TIAM1: variants seen among roughly 807,000 people sequenced by gnomAD.
The protein encoded by TIAM1 is TIAM Rac1 associated GEF 1.
In TIAM1, 65 loss-of-function variants were observed where a neutral mutation model predicts 163.5. The observed-to-expected ratio is 0.40, with a 90% CI of 0.33 to 0.49. The LOEUF is 0.49. TIAM1 is among the 20% of genes least tolerant of loss of function. The pLI, the probability that TIAM1 is intolerant of heterozygous loss-of-function variation, is 0.77. For missense variants in TIAM1, 1,789 were observed against 2,044.7 expected (o/e 0.87, Z 2.41); for synonymous variants, 833 against 810.1 (o/e 1.03, Z -0.48).
intron 8 of TIAM1, among the ~76,000 whole-genome samples, chr21:31,221,397 A>G (rs1445248183): frequency 2.6e-5 from 4 of 152,198 alleles, no homozygotes; most frequent in Non-Finnish European, 5.9e-5. Flanking sequence ...GTTCTTTAAA[A>G]CCACTGACCA....
At chr21:31,466,626 A>C (rs1350318013) in intron 1 of TIAM1, among the ~76,000 whole-genome samples, 2 of 152,176 alleles carry the variant, frequency 1.3e-5, no homozygotes, top group East Asian at 3.9e-4. Context: ...TGCCCAAGGC[A>C]ACAGGGAAGT....
intron 11 of TIAM1, among the ~76,000 whole-genome samples, chr21:31,205,927 C>T (rs1347815353): frequency 6.6e-6 from 1 of 152,000 alleles, no homozygotes; most frequent in Non-Finnish European, 1.5e-5. Flanking sequence ...ATGACTACAC[C>T]ACTGTACTTC....
chr21:31,524,800 A>C (rs2833436), intron 1 of TIAM1, among the ~76,000 whole-genome samples: 9,203 of 152,196 alleles, frequency 0.06, 946 homozygotes, highest in African/African-American at 0.21. Flanking sequence ...TACCATTCCA[A>C]ACTTCTATCA....
chr21:31,214,903 A>G (rs1282944771), intron 9 of TIAM1, among the ~76,000 whole-genome samples: 5 of 152,128 alleles, frequency 3.3e-5, no homozygotes, highest in Non-Finnish European at 7.3e-5. Context: ...CTAGGATTAC[A>G]GGCATGAGCC....
At chr21:31,512,785 G>A (rs1390177435) in intron 1 of TIAM1, among the ~76,000 whole-genome samples, 1 of 146,752 alleles carries the variant, frequency 6.8e-6, no homozygotes, top group Non-Finnish European at 1.5e-5. Context: ...GCCTAGTTAG[G>A]TGTTTTTTTG....
chr21:31,528,675 T>G (rs1027973433), intron 1 of TIAM1, among the ~76,000 whole-genome samples: 3 of 150,650 alleles, frequency 2.0e-5, no homozygotes, highest in African/African-American at 7.3e-5. Flanking sequence ...CATGGTGTGG[T>G]GTGCCTGTAA....
intron 2 of TIAM1, among the ~76,000 whole-genome samples, chr21:31,397,140 A>G (rs1340858085): frequency 1.3e-5 from 2 of 152,208 alleles, no homozygotes; most frequent in Non-Finnish European, 2.9e-5. Flanking sequence ...AGATCTTTAG[A>G]TGTAACATCA....
intron 2 of TIAM1, among the ~76,000 whole-genome samples, chr21:31,429,577 C>A (rs73902337): frequency 0.032 from 4,937 of 152,196 alleles, 266 homozygotes; most frequent in African/African-American, 0.11. Context: ...CTCTCCTGGA[C>A]GGCAGGGAGT....
chr21:31,323,234 G>A (rs2075374618), intron 2 of TIAM1, among the ~76,000 whole-genome samples: 1 of 151,184 alleles, frequency 6.6e-6, no homozygotes, highest in Non-Finnish European at 1.5e-5. Context: ...CTTGCAGTGA[G>A]CCAAGATCAC....
chr21:31,334,347 T>G (rs1260342491), intron 2 of TIAM1, among the ~76,000 whole-genome samples: 4 of 151,314 alleles, frequency 2.6e-5, no homozygotes, highest in Admixed American at 1.3e-4. Context: ...TGCAATGGCG[T>G]GGTTCTGACT....
intron 6 of TIAM1, among the ~76,000 whole-genome samples, chr21:31,228,748 AC>A (rs1462552750): frequency 3.3e-5 from 5 of 152,248 alleles, no homozygotes; most frequent in African/African-American, 1.2e-4. Flanking sequence ...CATGCTGCTA[AC>A]AAAGACATAT....
chr21:31,519,426 T>C (rs764319689), intron 1 of TIAM1, among the ~76,000 whole-genome samples: 7 of 149,356 alleles, frequency 4.7e-5, no homozygotes, highest in Non-Finnish European at 7.4e-5. Context: ...TGAGAATTGA[T>C]TGAACCTGGG....
chr21:31,242,194 A>G (rs2071217755), intron 6 of TIAM1, among the ~76,000 whole-genome samples: 1 of 152,222 alleles, frequency 6.6e-6, no homozygotes, highest in Non-Finnish European at 1.5e-5. Context: ...CACATTAAAT[A>G]GAGAATATCA....
Position 31,165,051 on chromosome 21 carries a change from TGCAAAG to T in TIAM1, c.2896_2901del (p.Leu966_Cys967del). The T allele has an allele frequency of 6.2e-7, 1 of 1,613,986 alleles. No individual in the cohort carries two copies. The highest frequency in any genetic ancestry group is 1.6e-4 in the Middle Eastern group (1 of 6,062). On this transcript the variant is annotated inframe_deletion, in exon 16 of 28. Transcript: ENST00000541036. ...GTCTCAGCACTGCTGCCCTGCTCGC[TGCAAAG>T]GCTGTGCCCTGTCAGATGAAATCAG... is the stretch of plus-strand genomic sequence containing the variant.
intron 2 of TIAM1, among the ~76,000 whole-genome samples, chr21:31,331,740 G>T (rs2075684737): frequency 6.6e-6 from 1 of 152,198 alleles, no homozygotes; most frequent in Admixed American, 6.5e-5. Flanking sequence ...TTGTGAGTCA[G>T]AAAGAGGGCT....
chr21:31,517,561 G>C (rs1466404362), intron 1 of TIAM1, among the ~76,000 whole-genome samples: 1 of 152,144 alleles, frequency 6.6e-6, no homozygotes, highest in Non-Finnish European at 1.5e-5. Context: ...AGAGGAAAAA[G>C]CTATGTGACC....
At chr21:31,394,722 TCTCTCTCACACA>T (rs1569293442) in intron 2 of TIAM1, among the ~76,000 whole-genome samples, 11 of 120,696 alleles carry the variant, frequency 9.1e-5, no homozygotes, top group Admixed American at 1.9e-4. Flanking sequence ...TCTCTCTCTC[TCTCTCTCACACA>T]CACACACACA....
At chr21:31,226,992 T>C (rs936202359) in intron 6 of TIAM1, among the ~76,000 whole-genome samples, 4 of 148,820 alleles carry the variant, frequency 2.7e-5, no homozygotes, top group Non-Finnish European at 5.9e-5. Flanking sequence ...GGTCGTGCTC[T>C]GTTGCCCAGG....
intron 3 of TIAM1, among the ~76,000 whole-genome samples, chr21:31,273,759 C>T (rs184141213): frequency 5.9e-5 from 9 of 152,268 alleles, no homozygotes; most frequent in African/African-American, 2.2e-4. Context: ...TCAATAGATG[C>T]CAATCCCAAG....
Sources: allele counts gnomAD v4.1 joint callset (sites outside exome capture counted in the v4.1 genomes callset), GRCh38; gene constraint gnomAD v4.1.1; transcripts MANE v1.5; gene names NCBI Gene and HGNC (gene_info 2026-07-23, HGNC 2026-07-21).